KARS1: variants seen among roughly 807,000 people sequenced by gnomAD.
The protein encoded by KARS1 is lysyl-tRNA synthetase 1.
In KARS1, 50 loss-of-function variants were observed where a neutral mutation model predicts 63.9. That is an observed-to-expected ratio of 0.78 (90% confidence interval 0.62 to 0.99). The LOEUF is 0.99. Ranked by LOEUF, KARS1 falls within the 50% of genes least tolerant of loss-of-function variation. The pLI is 0.00. For missense variants in KARS1, 816 were observed against 754.5 expected, an observed-to-expected ratio of 1.08 and a Z score of -0.95; for synonymous variants, 320 against 264.6, an observed-to-expected ratio of 1.21 and a Z score of -2.03.
chr16:75,644,727 A>G (rs2151812714), intron 1 of KARS1, among the ~76,000 whole-genome samples: 1 of 152,332 alleles, frequency 6.6e-6, no homozygotes. Context: ...TACAGGTAAA[A>G]TTGCTCACAA....
chr16:75,639,290 G>C (rs1477873730), intron 3 of KARS1, among the ~76,000 whole-genome samples: 2 of 150,890 alleles, frequency 1.3e-5, no homozygotes, highest in African/African-American at 4.9e-5. Flanking sequence ...ATATTTTAGT[G>C]GCAGGGTGTG....
chr16:75,639,331 G>C (rs2082197237), intron 3 of KARS1, among the ~76,000 whole-genome samples: 1 of 151,850 alleles, frequency 6.6e-6, no homozygotes, highest in Non-Finnish European at 1.5e-5. Context: ...CAGCACTTTG[G>C]GAAGCCGAGG....
At position 75,631,553 on chromosome 16, in the gene KARS1, G is replaced by C. The variant is rs754249871; in HGVS notation, c.1115C>G (p.Thr372Ser). ...GCCCTCTGGGCCATCTGGGTGGTAG[G>C]TGACCTTGTAACTGCCTGTAATATG... ...VKHITGSYKVTYHPDGPEGQA... is the reference protein window; with the variant it reads ...VKHITGSYKVSYHPDGPEGQA... The change falls in exon 9 of 14, where the codon ACC becomes AGC. Residue 372 changes from threonine (T) to serine (S), a missense_variant. Coordinates refer to ENST00000302445, the MANE Select transcript of KARS1 (RefSeq NM_005548.3). The C allele has an allele frequency of 1.9e-6, 3 of 1,614,058 alleles. No homozygotes were observed. Among genetic ancestry groups the C allele is most frequent in the Admixed American group, 3.3e-5 (2 of 60,006 alleles).
At chr16:75,633,254 C>T (rs766543105) in intron 7 of KARS1, among the ~76,000 whole-genome samples, 4 of 152,198 alleles carry the variant, frequency 2.6e-5, no homozygotes, top group Non-Finnish European at 5.9e-5. Flanking sequence ...ATCGGACACT[C>T]AGCAGGACTG....
chr16:75,630,517 G>GA lies in KARS1; in HGVS notation c.1339-10dup, dbSNP rs767977536. 1 of 1,575,338 alleles carries GA rather than the reference G, an allele frequency of 6.3e-7. No individual in the cohort carries two copies. The highest frequency in any genetic ancestry group is 1.1e-5 in the South Asian group (1 of 90,330). ...AGGAACTCCCCAACAAGCTTAATGA[G>GA]AAAGCAAAGCAGAGTCAGTCACCAT... On this transcript the variant is annotated splice_polypyrimidine_tract_variant and intron_variant, in intron 10 of 13. Coordinates refer to ENST00000302445, the MANE Select transcript of KARS1 (RefSeq NM_005548.3).
intron 3 of KARS1, among the ~76,000 whole-genome samples, chr16:75,638,719 A>G (rs1336328054): frequency 1.3e-5 from 2 of 152,232 alleles, no homozygotes; most frequent in African/African-American, 4.8e-5. Flanking sequence ...GAAAGTGAAA[A>G]GGAGGATAAA....
In KARS1 at chr16:75,629,518, G is replaced by A; in HGVS notation, c.1448C>T (p.Thr483Ile). ...AKWHRSKEGL[T>I]ERFELFVMKK... Reference sequence around the variant, plus strand: ...CATGACAAACAGCTCAAAGCGCTCAGTCAGACCCTCTTTAGAGCGGTGCCT... The same window carrying A: ...CATGACAAACAGCTCAAAGCGCTCAATCAGACCCTCTTTAGAGCGGTGCCT... Residue 483 changes from threonine to isoleucine, a missense_variant, in exon 12 of 14, where the codon ACT becomes ATT. Physicochemically the swap from Thr to Ile is moderately conservative, Grantham distance 89. Coordinates refer to ENST00000302445, the MANE Select transcript of KARS1 (RefSeq NM_005548.3). 1 of 1,614,138 alleles carries A rather than the reference G, an allele frequency of 6.2e-7. No homozygotes were observed. Among genetic ancestry groups the A allele is most frequent in the Non-Finnish European group, 8.5e-7 (1 of 1,179,984 alleles).
chr16:75,633,331 G>A (rs2082131584), intron 7 of KARS1, among the ~76,000 whole-genome samples: 1 of 152,184 alleles, frequency 6.6e-6, no homozygotes, highest in Admixed American at 6.5e-5. Context: ...GGGTCTGCAG[G>A]CAGACCCCCG....
chr16:75,638,991 A>C (rs1859270105), intron 3 of KARS1, among the ~76,000 whole-genome samples: 1 of 151,454 alleles, frequency 6.6e-6, no homozygotes, highest in African/African-American at 2.4e-5. Flanking sequence ...AACATGGTGA[A>C]ACTCCGTCTC....
At position 75,635,776 on chromosome 16, in the gene KARS1, G is replaced by C. The variant is rs1466024588; in HGVS notation, c.699C>G (p.Asp233Glu). 2.5e-6 allele frequency: 4 copies of C among 1,614,160 alleles called. No homozygotes were observed. Among genetic ancestry groups the C allele is most frequent in the Non-Finnish European group, 3.4e-6 (4 of 1,179,994 alleles). ...GCCTCACAAAGTCATTCAGGATCAA[G>C]TCCAAGTATCTCTGGCGATACCTTG... ...KETRYRQRYL[D>E]LILNDFVRQK... The change falls in exon 6 of 14, where the codon GAC becomes GAG. Residue 233 changes from aspartate (D) to glutamate (E), a missense_variant. Asp to Glu is a conservative substitution (Grantham distance 45, BLOSUM62 2). Transcript: ENST00000302445.
chr16:75,646,798 C>A lies in KARS1; in HGVS notation c.62+780G>T, dbSNP rs184285512. 1.8e-4 allele frequency among the ~76,000 whole-genome samples: 27 copies of A among 152,032 alleles called. No homozygotes were observed. In the East Asian group the frequency reaches 5.2e-3, roughly 29 times the overall value. The stretch of plus-strand genomic sequence containing the variant: ...AGTAGCTGGGATAACAAGTGCGCGC[C>A]ACGGGGATTAAGCCCTCTCGTATGC... On this transcript the variant is annotated intron_variant, in intron 1 of 13. Coordinates refer to ENST00000302445, the MANE Select transcript of KARS1 (RefSeq NM_005548.3).
At position 75,631,169 on chromosome 16, in the gene KARS1, T is replaced by A. The variant is rs1163973255; in HGVS notation, c.1337A>T (p.Lys446Met). ...TACAAGAAGGCAGGGCCTTCTCACC[T>A]TGTCAAGGAGCCTGGCTGTGGTCCG... Reference protein sequence around the residue: ...PPRTTARLLDKLVGEFLEVTC... With the variant: ...PPRTTARLLDMLVGEFLEVTC... The change falls in exon 10 of 14, where the codon AAG becomes ATG. Residue 446 changes from lysine (K) to methionine (M), a missense_variant and splice_region_variant. By Grantham distance (95) the Lys-to-Met change is moderately conservative. Transcript: ENST00000302445. 6.2e-7 allele frequency: 1 copy of A among 1,612,956 alleles called. No homozygotes were observed. The highest frequency in any genetic ancestry group is 1.1e-5 in the South Asian group (1 of 90,972).
rs370325473 is a variant in KARS1 at position 75,628,005 on chromosome 16, A to G, written c.1696-12T>C. The stretch of plus-strand genomic sequence containing the variant: ...AACAGAAGTACTTCCTGTGGGAGAT[A>G]AGAATGTACCTTGAAGCTGAGAAGC... On this transcript the variant is annotated splice_polypyrimidine_tract_variant and intron_variant, in intron 13 of 13. Coordinates refer to ENST00000302445, the MANE Select transcript of KARS1 (RefSeq NM_005548.3). The G allele has an allele frequency of 6.0e-6, 9 of 1,491,502 alleles. No individual in the cohort carries two copies. The African/African-American group carries it at 1.2e-4, about 21-fold the overall frequency. The allele number at this position is 1,491,502 out of a possible 1,614,324, so 92.4% of individuals were successfully genotyped here. A position where few individuals can be genotyped will look rare whatever the true frequency, so the allele number is the denominator to read the frequency against.
Position 75,642,185 on chromosome 16 carries a change from CTTTTTTTTTTTTT to C in KARS1, c.63-475_63-463del, listed in dbSNP as rs148991591. Among the ~76,000 whole-genome samples, 166 of 63,196 alleles carry C rather than the reference CTTTTTTTTTTTTT, an allele frequency of 2.6e-3. 1 individual carries two copies. Among genetic ancestry groups the C allele is most frequent in the African/African-American group, 6.1e-3 (154 of 25,270 alleles). 41.5% of individuals were successfully genotyped at this position (63,196 alleles called of 152,430 possible). ...AGGTGAAGTTCCAACAGTGCCAGGT[CTTTTTTTTTTTTT>C]TTTTTTTTTTTTTTTTTTTTTATGA... On this transcript the variant is annotated intron_variant, in intron 1 of 13. Transcript: ENST00000302445.
intron 5 of KARS1, 35 bp from the exon 6 acceptor site, chr16:75,635,840 T>C (rs1428320280): frequency 1.7e-5 from 27 of 1,614,174 alleles, no homozygotes; most frequent in Non-Finnish European, 2.0e-5. Context: ...ATCACTGGTA[T>C]GTCTGATCCA....
intron 1 of KARS1, chr16:75,644,539 G>A (rs2082260417): frequency 9.4e-7 from 1 of 1,065,120 alleles, no homozygotes; most frequent in Non-Finnish European, 1.3e-6. Context: ...CTTATGGGTT[G>A]GGGAGGGGGA....
At position 75,630,516 on chromosome 16, in the gene KARS1, A is replaced by G; in HGVS notation, c.1339-8T>C. ...CAGGAACTCCCCAACAAGCTTAATG[A>G]GAAAGCAAAGCAGAGTCAGTCACCA... On this transcript the variant is annotated splice_region_variant and splice_polypyrimidine_tract_variant and intron_variant, in intron 10 of 13. Transcript: ENST00000302445. The G allele has an allele frequency of 6.3e-7, 1 of 1,575,698 alleles. No individual in the cohort carries two copies. The highest frequency in any genetic ancestry group is 8.7e-7 in the Non-Finnish European group (1 of 1,145,472).
rs190958687 is a variant in KARS1 at position 75,628,231 on chromosome 16, T to G, written c.1696-238A>C. 1.8e-3 allele frequency among the ~76,000 whole-genome samples: 269 copies of G among 152,316 alleles called. 4 individuals carry two copies. Among genetic ancestry groups the G allele is most frequent in the Admixed American group, 0.017 (267 of 15,292 alleles). ...ATGTCAAAAGGATGAATAGACGCAT[T>G]TCTATGAAAATTTGATTTCCTCATC... On this transcript the variant is annotated intron_variant, in intron 13 of 13. Coordinates refer to ENST00000302445, the MANE Select transcript of KARS1 (RefSeq NM_005548.3).
intron 10 of KARS1, 75 bp from the exon 11 acceptor site, chr16:75,630,583 C>G (rs1040011589): frequency 1.2e-6 from 1 of 861,200 alleles, no homozygotes; most frequent in African/African-American, 1.7e-5. Flanking sequence ...GACAGAAGAT[C>G]TCAGCTCCCA....
Sources: allele counts gnomAD v4.1 joint callset (sites outside exome capture counted in the v4.1 genomes callset), GRCh38; gene constraint gnomAD v4.1.1; transcripts MANE v1.5; gene names NCBI Gene and HGNC (gene_info 2026-07-23, HGNC 2026-07-21).